MAML1: variants seen among roughly 807,000 people sequenced by gnomAD.
MAML1 encodes the protein mastermind-like protein 1.
A neutral mutation model predicts 77.1 loss-of-function variants in MAML1; 14 were observed. The ratio of observed to expected loss-of-function variants is 0.18; its 90% CI spans 0.12 to 0.28. MAML1 has a LOEUF of 0.28. MAML1 is among the 10% of genes least tolerant of loss of function. The probability of loss-of-function intolerance (pLI) is 1.00; values close to 1 mark genes in which losing one functional copy is unlikely to be tolerated. For missense variants in MAML1, 1,217 were observed against 1,327.8 expected (o/e 0.92, Z 1.30); for synonymous variants, 516 against 551.9 (o/e 0.93, Z 0.91).
At chr5:179,733,612 G>A (rs990927809) in intron 1 of MAML1, among the ~76,000 whole-genome samples, 185 bp downstream of exon 1, 2 of 152,234 alleles carry the variant, frequency 1.3e-5, no homozygotes, top group Non-Finnish European at 2.9e-5. Flanking sequence ...GCACGGTGGC[G>A]TTACTTTGGG....
intron 1 of MAML1, 110 bp from the exon 2 acceptor site, chr5:179,765,216 C>A: frequency 1.1e-6 from 1 of 907,270 alleles, no homozygotes; most frequent in Non-Finnish European, 1.7e-6. Flanking sequence ...GTACACTATG[C>A]AAGCAGAACC....
intron 1 of MAML1, among the ~76,000 whole-genome samples, chr5:179,743,820 T>A (rs1779328365): frequency 6.6e-6 from 1 of 152,166 alleles, no homozygotes; most frequent in Non-Finnish European, 1.5e-5. Flanking sequence ...TACATTTAGG[T>A]AACAGTCTTA....
At chr5:179,749,578 T>C (rs1433669862) in intron 1 of MAML1, among the ~76,000 whole-genome samples, 15 of 152,070 alleles carry the variant, frequency 9.9e-5, no homozygotes, top group Admixed American at 9.8e-4. Flanking sequence ...GTTTAAAAAA[T>C]TTAAATGTCA....
chr5:179,774,798 A>T lies in MAML1; in HGVS notation c.2972A>T (p.Asp991Val), dbSNP rs369242348. The stretch of plus-strand genomic sequence containing the variant: ...CTCTCTAGTGTGGCTGGACACACCG[A>T]TCTGATCGACTCCCTGCTGAAGAAC... ...SGLSSVAGHT[D>V]LIDSLLKNRT... Residue 991 changes from aspartate to valine, a missense_variant, in exon 5 of 5, where the codon GAT becomes GTT. By Grantham distance (152) the Asp-to-Val change is radical. Around this residue, in one of 3 missense-constraint regions of MAML1, gnomAD observed 884 missense variants for 949.3 expected, o/e 0.93. Coordinates refer to ENST00000292599, the MANE Select transcript of MAML1 (RefSeq NM_014757.5). 3.1e-6 allele frequency: 5 copies of T among 1,613,816 alleles called. No homozygotes were observed. The highest frequency in any genetic ancestry group is 4.2e-6 in the Non-Finnish European group (5 of 1,180,016).
At chr5:179,736,418 A>C (rs1400146448) in intron 1 of MAML1, among the ~76,000 whole-genome samples, 3 of 151,488 alleles carry the variant, frequency 2.0e-5, no homozygotes, top group African/African-American at 7.3e-5. Flanking sequence ...ACGCTCCCCT[A>C]ATTTTTTGTA....
In MAML1 at chr5:179,771,449, C is replaced by T. The variant is rs1755989086; in HGVS notation, c.2068+206C>T. Among the ~76,000 whole-genome samples the T allele has an allele frequency of 6.6e-6, 1 of 152,256 alleles. No homozygotes were observed. The highest frequency in any genetic ancestry group is 1.5e-5 in the Non-Finnish European group (1 of 68,050). On this transcript the variant is annotated intron_variant, in intron 4 of 4. Transcript: ENST00000292599. This position sits in a 1 kb window ranked among gnomAD's most constrained non-coding sequence, Gnocchi z 4.7. ...AGGGCACAGAGGCAAACCACTAGAA[C>T]TACCTTTGCTGGGTCCCTGGCTGTA...
In MAML1 at chr5:179,762,318, AG is replaced by A. The variant is rs77449387; in HGVS notation, c.316-3007del. 2.1e-3 allele frequency among the ~76,000 whole-genome samples: 318 copies of A among 152,264 alleles called. 12 individuals carry two copies. In the East Asian group the frequency reaches 0.054, roughly 26 times the overall value. On this transcript the variant is annotated intron_variant, in intron 1 of 4. Transcript: ENST00000292599. ...GGTGTGGCCAGCTCCAGCTTGATTC[AG>A]AGCAGTGGTGGTATCCTGGAGCTCC...
Position 179,769,044 on chromosome 5 carries a change from G to A in MAML1, c.1926G>A (p.Gln642=). 6.2e-7 allele frequency: 1 copy of A among 1,614,212 alleles called. No individual in the cohort carries two copies. The highest frequency in any genetic ancestry group is 2.2e-5 in the East Asian group (1 of 44,886). Residue 642 remains glutamine, a synonymous_variant, in exon 3 of 5, where the codon CAG becomes CAA. Transcript: ENST00000292599. This position sits in a 1 kb window ranked among gnomAD's most constrained non-coding sequence, Gnocchi z 4.2. ...GGGAGCAGCAGCAAAAGCATTTACA[G>A]CAACAGCAGTTCCTTCAGAGGCAAC... ...KQREQQQKHL[Q]QQQFLQRQQH... is the part of the protein sequence containing the mutation.
At chr5:179,753,183 TAGTG>T (rs1368901742) in intron 1 of MAML1, among the ~76,000 whole-genome samples, 5 of 109,072 alleles carry the variant, frequency 4.6e-5, no homozygotes, top group South Asian at 3.5e-4. Flanking sequence ...TGCTATTTTT[TAGTG>T]TGTGTGTGTG....
chr5:179,745,575 G>A (rs1779362640), intron 1 of MAML1, among the ~76,000 whole-genome samples: 1 of 151,212 alleles, frequency 6.6e-6, no homozygotes, highest in Non-Finnish European at 1.5e-5. Context: ...AATTAGCCGG[G>A]CGTGGTCAGG....
intron 1 of MAML1, among the ~76,000 whole-genome samples, chr5:179,763,203 C>T (rs1779753596): frequency 6.6e-6 from 1 of 152,206 alleles, no homozygotes; most frequent in South Asian, 2.1e-4. Context: ...ATGTTAGCAA[C>T]TAATTTTTAT....
rs555982187 is a variant in MAML1 at position 179,771,410 on chromosome 5, G to A, written c.2068+167G>A. Among the ~76,000 whole-genome samples, 4 of 152,158 alleles carry A rather than the reference G, an allele frequency of 2.6e-5. No individual in the cohort carries two copies. Among genetic ancestry groups the A allele is most frequent in the Non-Finnish European group, 4.4e-5 (3 of 68,028 alleles). On this transcript the variant is annotated intron_variant, in intron 4 of 4. Coordinates refer to ENST00000292599, the MANE Select transcript of MAML1 (RefSeq NM_014757.5). This position sits in a 1 kb window ranked among gnomAD's most constrained non-coding sequence, Gnocchi z 4.7. ...GGGCCTGGTTTTCTAGTTACTCCAC[G>A]GCATCAGGAGAAGAGGGCACAGAGG...
intron 1 of MAML1, among the ~76,000 whole-genome samples, chr5:179,761,975 T>C (rs1217021359): frequency 6.6e-6 from 1 of 151,868 alleles, no homozygotes. Flanking sequence ...AGGAAGATGA[T>C]AGAAGAGGTA....
intron 4 of MAML1, among the ~76,000 whole-genome samples, chr5:179,772,980 T>C (rs1756036410): frequency 6.6e-6 from 1 of 152,110 alleles, no homozygotes. Flanking sequence ...AGCCTCCGCC[T>C]CCCGGATTCA....
At position 179,774,242 on chromosome 5, in the gene MAML1, G is replaced by C; in HGVS notation, c.2416G>C (p.Gly806Arg). 1 of 1,613,412 alleles carries C rather than the reference G, an allele frequency of 6.2e-7. No homozygotes were observed. Among genetic ancestry groups the C allele is most frequent in the Non-Finnish European group, 8.5e-7 (1 of 1,179,914 alleles). The change falls in exon 5 of 5, where the codon GGC becomes CGC. Residue 806 changes from glycine (G) to arginine (R), a missense_variant. Coordinates refer to ENST00000292599, the MANE Select transcript of MAML1 (RefSeq NM_014757.5). Reference protein sequence around the residue: ...AYGQNSLGSSGLSQQHNKGTL... With the variant: ...AYGQNSLGSSRLSQQHNKGTL... ...TGGGCAGAACTCTCTGGGAAGCTCTGGCCTCTCCCAGCAGCACAATAAGGG... is the reference window on the plus strand; with the variant it reads ...TGGGCAGAACTCTCTGGGAAGCTCTCGCCTCTCCCAGCAGCACAATAAGGG...
chr5:179,735,313 A>G (rs1241044577), intron 1 of MAML1, among the ~76,000 whole-genome samples: 2 of 152,164 alleles, frequency 1.3e-5, no homozygotes, highest in East Asian at 3.8e-4. Context: ...CTAGTTCCTG[A>G]CCAGCCTAAC....
intron 1 of MAML1, among the ~76,000 whole-genome samples, chr5:179,750,820 G>C (rs1460029090): frequency 1.3e-5 from 2 of 152,130 alleles, no homozygotes; most frequent in Non-Finnish European, 2.9e-5. Context: ...AGAAAGGTGG[G>C]CAAGGATGAC....
intron 1 of MAML1, among the ~76,000 whole-genome samples, chr5:179,757,791 C>G (rs1779650101): frequency 6.6e-6 from 1 of 152,196 alleles, no homozygotes; most frequent in Admixed American, 6.5e-5. Context: ...GCCTGCCAAG[C>G]ACAAGAATCA....
At chr5:179,754,385 A>G (rs1316776529) in intron 1 of MAML1, among the ~76,000 whole-genome samples, 2 of 152,192 alleles carry the variant, frequency 1.3e-5, no homozygotes, top group Non-Finnish European at 2.9e-5. Flanking sequence ...GCTTGAGGCC[A>G]GGAGTTCCAG....
Sources: allele counts gnomAD v4.1 joint callset (sites outside exome capture counted in the v4.1 genomes callset), GRCh38; gene constraint gnomAD v4.1.1; regional missense constraint gnomAD v4.1.1; non-coding constraint Gnocchi (gnomAD v3.1); transcripts MANE v1.5; gene names NCBI Gene and HGNC (gene_info 2026-07-23, HGNC 2026-07-21).